Variants in PDZRN4 observed in about 807,000 individuals in gnomAD.
The protein encoded by PDZRN4 is PDZ domain-containing RING finger protein 4.
PDZRN4 carries 70 observed loss-of-function variants against 99.0 expected under a neutral mutation model. That is an observed-to-expected ratio of 0.71 (90% confidence interval 0.58 to 0.86). The LOEUF is 0.86. Ranked by LOEUF, PDZRN4 falls within the 40% of genes least tolerant of loss-of-function variation. The pLI, the probability that PDZRN4 is intolerant of heterozygous loss-of-function variation, is 0.00. For missense variants in PDZRN4, 1,474 were observed against 1,331.2 expected, an observed-to-expected ratio of 1.11 and a Z score of -1.67; for synonymous variants, 551 against 501.6, an observed-to-expected ratio of 1.10 and a Z score of -1.32.
At chr12:41,424,708 A>G (rs1187100348) in intron 3 of PDZRN4, among the ~76,000 whole-genome samples, 2 of 152,182 alleles carry the variant, frequency 1.3e-5, no homozygotes, top group Non-Finnish European at 2.9e-5. Flanking sequence ...TTTCCTTTAT[A>G]AAGGGTTATG....
chr12:41,330,753 CT>C (rs1389753972), intron 3 of PDZRN4, among the ~76,000 whole-genome samples: 2 of 151,794 alleles, frequency 1.3e-5, no homozygotes, highest in Non-Finnish European at 2.9e-5. Context: ...GAATAAGTTA[CT>C]TTTTTAAGTT....
intron 3 of PDZRN4, among the ~76,000 whole-genome samples, chr12:41,241,020 C>G (rs567302284): frequency 3.0e-4 from 46 of 152,134 alleles, no homozygotes; most frequent in East Asian, 2.1e-3. Flanking sequence ...ATCTATTTTG[C>G]TCCTCCCCCC....
At chr12:41,325,075 A>C (rs530768308) in intron 3 of PDZRN4, among the ~76,000 whole-genome samples, 1 of 152,132 alleles carries the variant, frequency 6.6e-6, no homozygotes, top group Admixed American at 6.6e-5. Flanking sequence ...CTGTGGACCA[A>C]CTATGGAGAT....
chr12:41,348,803 G>A (rs1489287679), intron 3 of PDZRN4, among the ~76,000 whole-genome samples: 1 of 151,846 alleles, frequency 6.6e-6, no homozygotes, highest in African/African-American at 2.4e-5. Context: ...TGACAGAGAA[G>A]CTACTGGGTT....
At chr12:41,517,383 G>A (rs1261761847) in intron 5 of PDZRN4, among the ~76,000 whole-genome samples, 1 of 152,126 alleles carries the variant, frequency 6.6e-6, no homozygotes, top group South Asian at 2.1e-4. Flanking sequence ...TTACTGAAAG[G>A]TGTCTGTGAA....
chr12:41,290,998 G>A (rs539046795), intron 3 of PDZRN4, among the ~76,000 whole-genome samples: 4 of 151,870 alleles, frequency 2.6e-5, no homozygotes, highest in East Asian at 3.9e-4. Context: ...TAAAGATGTA[G>A]GATCTATTTT....
chr12:41,220,518 A>G (rs1950947981), intron 3 of PDZRN4, among the ~76,000 whole-genome samples: 1 of 152,178 alleles, frequency 6.6e-6, no homozygotes, highest in Non-Finnish European at 1.5e-5. Context: ...AATCCTCACT[A>G]CTTAGAGGAA....
At chr12:41,571,407 CTACA>C (rs1436058531) in intron 9 of PDZRN4, among the ~76,000 whole-genome samples, 23 of 137,866 alleles carry the variant, frequency 1.7e-4, no homozygotes, top group Non-Finnish European at 2.9e-4. Flanking sequence ...CACACACACA[CTACA>C]TAAACATACA....
chr12:41,344,084 T>C (rs1477223978), intron 3 of PDZRN4, among the ~76,000 whole-genome samples: 2 of 152,108 alleles, frequency 1.3e-5, no homozygotes, highest in African/African-American at 2.4e-5. Context: ...TTCTTCATGT[T>C]AAAGCAGCTT....
rs1292415476 is a variant in PDZRN4, at chr12:41,367,456, T to A, written c.844-139000T>A. 2.0e-5 allele frequency among the ~76,000 whole-genome samples: 3 copies of A among 151,930 alleles called. No homozygotes were observed. The East Asian group carries it at 5.8e-4, about 30-fold the overall frequency. ...CCTGGGAGGCAGAGGTTGTAGTGAG[T>A]CGAGATCGTACCATTGCACTCCAGC... On this transcript the variant is annotated intron_variant, in intron 3 of 9. Coordinates refer to ENST00000402685, the MANE Select transcript of PDZRN4 (RefSeq NM_001164595.2).
intron 3 of PDZRN4, among the ~76,000 whole-genome samples, chr12:41,306,493 A>G (rs951969551): frequency 1.2e-4 from 18 of 152,208 alleles, no homozygotes; most frequent in African/African-American, 2.2e-4. Context: ...CTTCAGTTCT[A>G]GCTGGCAATG....
At chr12:41,528,789 T>C (rs1938613161) in intron 5 of PDZRN4, among the ~76,000 whole-genome samples, 1 of 152,246 alleles carries the variant, frequency 6.6e-6, no homozygotes, top group Non-Finnish European at 1.5e-5. Flanking sequence ...GGTTTTATTC[T>C]TTAACACATA....
intron 3 of PDZRN4, among the ~76,000 whole-genome samples, chr12:41,307,877 CT>C (rs1302361948): frequency 6.6e-6 from 1 of 151,984 alleles, no homozygotes; most frequent in African/African-American, 2.4e-5. Context: ...TACATCACTT[CT>C]GTGAGATTAT....
intron 3 of PDZRN4, among the ~76,000 whole-genome samples, chr12:41,449,174 C>A (rs1285961268): frequency 6.6e-6 from 1 of 152,180 alleles, no homozygotes; most frequent in African/African-American, 2.4e-5. Flanking sequence ...TTATAATACT[C>A]CTCAAAGTGT....
chr12:41,352,864 T>C (rs1323756879), intron 3 of PDZRN4, among the ~76,000 whole-genome samples: 4 of 152,120 alleles, frequency 2.6e-5, no homozygotes, highest in Non-Finnish European at 4.4e-5. Context: ...GATATAAAAC[T>C]ACACATGTGA....
intron 3 of PDZRN4, among the ~76,000 whole-genome samples, chr12:41,446,557 A>G (rs1301307449): frequency 1.3e-5 from 2 of 151,992 alleles, no homozygotes; most frequent in African/African-American, 4.8e-5. Flanking sequence ...AAAGTTTGGG[A>G]AAGAGCATTT....
At chr12:41,208,581 T>C (rs1307784602) in intron 3 of PDZRN4, among the ~76,000 whole-genome samples, 1 of 151,978 alleles carries the variant, frequency 6.6e-6, no homozygotes, top group Admixed American at 6.6e-5. Context: ...TTGCTTATCA[T>C]CTCTACTATA....
chr12:41,442,167 C>T (rs977090930), intron 3 of PDZRN4, among the ~76,000 whole-genome samples: 1 of 152,048 alleles, frequency 6.6e-6, no homozygotes, highest in African/African-American at 2.4e-5. Flanking sequence ...TCCTCTAATG[C>T]AATTTGTAAT....
At chr12:41,541,949 A>G (rs1388816110) in intron 5 of PDZRN4, among the ~76,000 whole-genome samples, 1 of 152,182 alleles carries the variant, frequency 6.6e-6, no homozygotes, top group Non-Finnish European at 1.5e-5. Context: ...GTGACTTTTT[A>G]AACTATAAAA....
Sources: allele counts gnomAD v4.1 joint callset (sites outside exome capture counted in the v4.1 genomes callset), GRCh38; gene constraint gnomAD v4.1.1; transcripts MANE v1.5; gene names NCBI Gene and HGNC (gene_info 2026-07-23, HGNC 2026-07-21).